CPS1: variants seen among roughly 807,000 people sequenced by gnomAD.
CPS1 encodes carbamoyl-phosphate synthase 1, also known as carbamoyl-phosphate synthase [ammonia], mitochondrial.
Under a neutral mutation model 174.6 loss-of-function variants are expected in CPS1, and 109 were observed. The observed-to-expected ratio is 0.62, with a 90% confidence interval of 0.53 to 0.73. The LOEUF (loss-of-function observed/expected upper bound fraction) is 0.73, where lower values mean the gene tolerates loss of function less well. Ranked by LOEUF, CPS1 falls within the 30% of genes least tolerant of loss-of-function variation. The pLI, the probability that CPS1 is intolerant of heterozygous loss-of-function variation, is 0.00. For missense variants in CPS1, 1,689 were observed against 1,821.9 expected, an observed-to-expected ratio of 0.93 and a Z score of 1.33; for synonymous variants, 637 against 632.0, an observed-to-expected ratio of 1.01 and a Z score of -0.12.
intron 1 of CPS1, among the ~76,000 whole-genome samples, chr2:210,481,473 C>CCA (rs1694568761): frequency 1.3e-5 from 2 of 152,194 alleles, no homozygotes; most frequent in African/African-American, 2.4e-5. Flanking sequence ...TCCCATCCAA[C>CCA]CACACAAAAC....
intron 30 of CPS1, chr2:210,658,320 A>G: frequency 5.3e-6 from 2 of 380,572 alleles, no homozygotes; most frequent in Non-Finnish European, 1.0e-5. Flanking sequence ...TCAATGTAAA[A>G]CCAGGTTATA....
chr2:210,516,944 T>G (rs904984699), intron 1 of CPS1, among the ~76,000 whole-genome samples: 15 of 152,010 alleles, frequency 9.9e-5, no homozygotes, highest in African/African-American at 3.4e-4. Flanking sequence ...AGTTATTTAT[T>G]AAAATATTAG....
chr2:210,534,176 G>T (rs570965790), intron 1 of CPS1, among the ~76,000 whole-genome samples: 2 of 152,318 alleles, frequency 1.3e-5, no homozygotes, highest in South Asian at 4.1e-4. Context: ...AATAAGCAGT[G>T]TTTCGATGGC....
In CPS1 at chr2:210,612,268, G is replaced by A. The variant is rs776084245; in HGVS notation, c.2543G>A (p.Ser848Asn). The A allele has an allele frequency of 6.2e-7, 1 of 1,611,970 alleles. No homozygotes were observed. Among genetic ancestry groups the A allele is most frequent in the East Asian group, 2.2e-5 (1 of 44,740 alleles). Residue 848 changes from serine to asparagine, a missense_variant, in exon 20 of 38, where the codon AGC (serine) becomes AAC (asparagine). By Grantham distance (46) the Ser-to-Asn change is conservative. Transcript: ENST00000233072. Reference sequence around the variant, plus strand: ...AGAAAAGAGTTGTCTGAACCAAGCAGCACGCGTATCTATGCCATTGCCAAG... The same window carrying A: ...AGAAAAGAGTTGTCTGAACCAAGCAACACGCGTATCTATGCCATTGCCAAG... ...DLRKELSEPSSTRIYAIAKAI... is the reference protein window; with the variant it reads ...DLRKELSEPSNTRIYAIAKAI...
chr2:210,628,715 G>A (rs530196471), intron 21 of CPS1, among the ~76,000 whole-genome samples: 18 of 151,912 alleles, frequency 1.2e-4, no homozygotes, highest in Admixed American at 3.3e-4. Flanking sequence ...CAGGAGAATC[G>A]CCTGAACTGG....
chr2:210,585,041 TC>T (rs1698060085), intron 6 of CPS1, among the ~76,000 whole-genome samples: 1 of 152,030 alleles, frequency 6.6e-6, no homozygotes, highest in African/African-American at 2.4e-5. Context: ...CACCTTTGGA[TC>T]CCATGTCATT....
intron 1 of CPS1, among the ~76,000 whole-genome samples, chr2:210,550,736 A>C (rs985310087): frequency 2.0e-5 from 3 of 151,902 alleles, no homozygotes; most frequent in Non-Finnish European, 4.4e-5. Context: ...TGCAGATAAT[A>C]TACTAATATA....
chr2:210,484,389 C>T (rs1002920007), intron 1 of CPS1, among the ~76,000 whole-genome samples: 1 of 152,150 alleles, frequency 6.6e-6, no homozygotes, highest in South Asian at 2.1e-4. Flanking sequence ...TAAGACATGA[C>T]AAGGAGCTTA....
chr2:210,645,043 G>C (rs945774530), intron 25 of CPS1, among the ~76,000 whole-genome samples: 8 of 152,198 alleles, frequency 5.3e-5, no homozygotes, highest in African/African-American at 1.9e-4. Context: ...TGATTTACCT[G>C]TGTGGGTTAC....
chr2:210,655,594 C>A (rs952817463), intron 29 of CPS1, among the ~76,000 whole-genome samples: 3 of 152,120 alleles, frequency 2.0e-5, no homozygotes, highest in South Asian at 2.1e-4. Flanking sequence ...TAAATAAGCT[C>A]TTGTAAAAAA....
intron 1 of CPS1, among the ~76,000 whole-genome samples, chr2:210,535,959 G>A (rs1310445394): frequency 6.6e-6 from 1 of 151,942 alleles, no homozygotes; most frequent in African/African-American, 2.4e-5. Context: ...AACTGTGAGG[G>A]AGGTGCTATT....
upstream of CPS1, chr2:210,556,298 G>A (rs959442869): frequency 2.2e-5 from 10 of 456,224 alleles, no homozygotes; most frequent in African/African-American, 2.0e-4. Flanking sequence ...GGCATATTAG[G>A]TATCACATGT....
chr2:210,482,307 T>C (rs1005985826), intron 1 of CPS1, among the ~76,000 whole-genome samples: 82 of 136,248 alleles, frequency 6.0e-4, no homozygotes, highest in African/African-American at 1.8e-3. Flanking sequence ...GTTGAATCCC[T>C]TTTTTTTTTT....
chr2:210,528,828 T>A (rs978860532), intron 1 of CPS1, among the ~76,000 whole-genome samples: 1 of 150,964 alleles, frequency 6.6e-6, no homozygotes, highest in Non-Finnish European at 1.5e-5. Context: ...TTTTTTTTTT[T>A]TTTTTTTGAG....
chr2:210,625,975 G>C (rs553464857), intron 21 of CPS1, among the ~76,000 whole-genome samples: 1 of 152,042 alleles, frequency 6.6e-6, no homozygotes, highest in Non-Finnish European at 1.5e-5. Flanking sequence ...AATAGTTGAC[G>C]CCACACAGTC....
At chr2:210,656,491 TTTTCTAAAA>T in intron 29 of CPS1, 25 bp from the exon 30 acceptor site, 1 of 1,544,258 alleles carries the variant, frequency 6.5e-7, no homozygotes, top group Non-Finnish European at 8.8e-7. Context: ...CCTGAAAACT[TTTTCTAAAA>T]TCCTTTTTTT....
chr2:210,608,236 G>T (rs1698989174), intron 18 of CPS1, 125 bp from the exon 19 acceptor site: 2 of 827,578 alleles, frequency 2.4e-6, no homozygotes, highest in Non-Finnish European at 3.9e-6. Flanking sequence ...GCAGAACAGA[G>T]AATCAAGTGT....
chr2:210,676,051 T>C (rs192023631), intron 36 of CPS1, among the ~76,000 whole-genome samples: 1 of 152,366 alleles, frequency 6.6e-6, no homozygotes, highest in East Asian at 1.9e-4. Flanking sequence ...TTCAAAATAC[T>C]TCTTAGTAAG....
Position 210,591,905 on chromosome 2 carries a change from T to C in CPS1, c.1022T>C (p.Leu341Ser). ...FITAQNHGYA[L>S]DNTLPAGWKP... The stretch of plus-strand genomic sequence containing the variant: ...ACTGCTCAGAATCATGGCTATGCCT[T>C]GGACAACACCCTCCCTGCTGGCTGG... The change falls in exon 10 of 38, where the codon TTG becomes TCG. Residue 341 changes from leucine (L) to serine (S), a missense_variant. Leu to Ser is a moderately radical substitution (Grantham distance 145). Transcript: ENST00000233072. 6.2e-7 allele frequency: 1 copy of C among 1,612,562 alleles called. No individual in the cohort carries two copies.
Sources: allele counts gnomAD v4.1 joint callset (sites outside exome capture counted in the v4.1 genomes callset), GRCh38; gene constraint gnomAD v4.1.1; transcripts MANE v1.5; gene names NCBI Gene and HGNC (gene_info 2026-07-23, HGNC 2026-07-21).